SLC25A21: variants seen among roughly 807,000 people sequenced by gnomAD.
SLC25A21 encodes the protein mitochondrial 2-oxodicarboxylate carrier.
In SLC25A21, 47 loss-of-function variants were observed where a neutral mutation model predicts 43.8. The ratio of observed to expected loss-of-function variants is 1.07; its 90% CI spans 0.85 to 1.37. The LOEUF (loss-of-function observed/expected upper bound fraction) is 1.37. SLC25A21 is among the 40% of genes most tolerant of loss of function. The pLI is 0.00. For synonymous variants in SLC25A21, 131 were observed against 121.3 expected (o/e 1.08, Z -0.52); for missense variants, 352 against 350.2 (o/e 1.00, Z -0.04).
At chr14:36,795,896 T>C (rs1295976873) in intron 3 of SLC25A21, among the ~76,000 whole-genome samples, 8 of 152,062 alleles carry the variant, frequency 5.3e-5, no homozygotes, top group Admixed American at 1.3e-4. Context: ...GGCAAGAGGA[T>C]TGCGGGTAGA....
intron 7 of SLC25A21, among the ~76,000 whole-genome samples, chr14:36,708,693 T>A (rs1883686659): frequency 1.3e-5 from 2 of 151,752 alleles, no homozygotes. Flanking sequence ...TGCCTCAGCC[T>A]GCAGAGTAGT....
intron 3 of SLC25A21, among the ~76,000 whole-genome samples, chr14:36,789,863 A>AATATATTTTATATATTTATAT (rs1566615964): frequency 1.2e-5 from 1 of 83,166 alleles, no homozygotes; most frequent in Non-Finnish European, 2.1e-5. Context: ...ATATTTATAT[A>AATATATTTTATATATTTATAT]AAAATATATT....
At chr14:36,913,242 G>A (rs993925365) in intron 1 of SLC25A21, among the ~76,000 whole-genome samples, 2 of 152,026 alleles carry the variant, frequency 1.3e-5, no homozygotes, top group Non-Finnish European at 2.9e-5. Flanking sequence ...ATCTACCTGG[G>A]GAGGAAAAAA....
intron 1 of SLC25A21, among the ~76,000 whole-genome samples, chr14:36,922,800 A>C: frequency 6.6e-6 from 1 of 152,134 alleles, no homozygotes; most frequent in East Asian, 1.9e-4. Flanking sequence ...CATCCTTAAA[A>C]ACTTAAGAAC....
rs1228169810 is a variant in SLC25A21 at position 36,852,939 on chromosome 14, T to C, written c.119+22017A>G. On this transcript the variant is annotated intron_variant, in intron 2 of 9. Transcript: ENST00000331299. ...GTGAAATGGAATCAAATTGCTTCCA[T>C]GCACCGAAACAGGAACATTTAAAAT... Among the ~76,000 whole-genome samples the C allele has an allele frequency of 2.0e-5, 3 of 152,314 alleles. No homozygotes were observed. The South Asian group carries it at 6.2e-4, about 32-fold the overall frequency.
intron 1 of SLC25A21, among the ~76,000 whole-genome samples, chr14:37,042,750 T>C (rs533495780): frequency 3.3e-5 from 5 of 152,198 alleles, no homozygotes; most frequent in Non-Finnish European, 7.3e-5. Context: ...AACCAGGGCA[T>C]GTGTGAATTT....
intron 2 of SLC25A21, among the ~76,000 whole-genome samples, chr14:36,818,591 C>T (rs915397538): frequency 6.6e-6 from 1 of 152,228 alleles, no homozygotes; most frequent in African/African-American, 2.4e-5. Flanking sequence ...TACTGTGTAT[C>T]TCACATACAT....
rs183931248 is a variant in SLC25A21 at position 36,773,449 on chromosome 14, C to T, written c.204-38876G>A. Among the ~76,000 whole-genome samples the T allele has an allele frequency of 1.7e-4, 26 of 152,266 alleles. No individual in the cohort carries two copies. The East Asian group carries it at 5.0e-3, about 29-fold the overall frequency. ...TGTCTCATCCTCAGATTTCTTTGGT[C>T]TCAGAGAGAATATGTTCAAAAGTTT... On this transcript the variant is annotated intron_variant, in intron 3 of 9. Transcript: ENST00000331299.
chr14:36,754,058 C>T (rs556651774), intron 3 of SLC25A21, among the ~76,000 whole-genome samples: 2 of 152,080 alleles, frequency 1.3e-5, no homozygotes, highest in African/African-American at 2.4e-5. Flanking sequence ...TTCTATTCAC[C>T]AGGCTAATTT....
intron 1 of SLC25A21, among the ~76,000 whole-genome samples, chr14:36,977,121 ATTAAT>A (rs1303869919): frequency 6.6e-6 from 1 of 152,210 alleles, no homozygotes; most frequent in Non-Finnish European, 1.5e-5. Context: ...CTTTCAAGGC[ATTAAT>A]TTTTTTTCTA....
chr14:36,884,988 T>C (rs1890872622), intron 1 of SLC25A21, among the ~76,000 whole-genome samples: 1 of 152,186 alleles, frequency 6.6e-6, no homozygotes, highest in African/African-American at 2.4e-5. Context: ...GCAATTCCAT[T>C]TGTCTATTTT....
In SLC25A21 at chr14:37,005,251, G is replaced by C. The variant is rs906714796; in HGVS notation, c.71-130247C>G. ...CGATAAAAAGAATGCTGGAGACAAC[G>C]AAAGTCAGAGAAACAAGCCCTTAGG... On this transcript the variant is annotated intron_variant, in intron 1 of 9. Transcript: ENST00000331299. Among the ~76,000 whole-genome samples, 3 of 151,072 alleles carry C rather than the reference G, an allele frequency of 2.0e-5. No individual in the cohort carries two copies. The Admixed American group carries it at 2.0e-4, about 10-fold the overall frequency.
chr14:36,915,968 G>C (rs1891819901), intron 1 of SLC25A21, among the ~76,000 whole-genome samples: 1 of 152,156 alleles, frequency 6.6e-6, no homozygotes, highest in Admixed American at 6.5e-5. Context: ...GGACATGGCT[G>C]CTGCATACCT....
In SLC25A21 at chr14:36,796,419, CT is replaced by C. The variant is rs1028163180; in HGVS notation, c.203+17498del. On this transcript the variant is annotated intron_variant, in intron 3 of 9. Transcript: ENST00000331299. ...TCTCTTTCTTTCTTTCTCTCTCTTTCTTTTTTTTTAAAAAGTACCAAATCTA... is the reference window on the plus strand; with the variant it reads ...TCTCTTTCTTTCTTTCTCTCTCTTTCTTTTTTTTAAAAAGTACCAAATCTA... Among the ~76,000 whole-genome samples the C allele has an allele frequency of 1.8e-3, 270 of 149,788 alleles. 1 individual carries two copies. The highest frequency in any genetic ancestry group is 6.9e-3 in the Middle Eastern group (2 of 290).
intron 1 of SLC25A21, among the ~76,000 whole-genome samples, chr14:36,953,545 TG>T (rs1448613709): frequency 6.6e-6 from 1 of 152,220 alleles, no homozygotes; most frequent in African/African-American, 2.4e-5. Context: ...ATTCAGTAGA[TG>T]ACAAAATGAA....
intron 1 of SLC25A21, among the ~76,000 whole-genome samples, chr14:37,137,656 C>T (rs1347638676): frequency 6.6e-6 from 1 of 152,072 alleles, no homozygotes; most frequent in Non-Finnish European, 1.5e-5. Flanking sequence ...ATGAGTAAAG[C>T]GAAAAAGAAT....
At chr14:37,145,255 C>T (rs778207172) in intron 1 of SLC25A21, among the ~76,000 whole-genome samples, 10 of 151,544 alleles carry the variant, frequency 6.6e-5, no homozygotes, top group Non-Finnish European at 1.5e-4. Flanking sequence ...CTACCTCCTT[C>T]TCTTACCTCT....
chr14:36,984,695 T>C (rs577985746), intron 1 of SLC25A21, among the ~76,000 whole-genome samples: 32 of 152,200 alleles, frequency 2.1e-4, no homozygotes, highest in Admixed American at 5.9e-4. Context: ...AATGTTTTAT[T>C]TTGAAATAAA....
chr14:37,140,237 C>A (rs1963548261), intron 1 of SLC25A21, among the ~76,000 whole-genome samples: 1 of 152,142 alleles, frequency 6.6e-6, no homozygotes, highest in South Asian at 2.1e-4. Flanking sequence ...TATATTCTGC[C>A]TTGGTAGATA....
Sources: allele counts gnomAD v4.1 joint callset (sites outside exome capture counted in the v4.1 genomes callset), GRCh38; gene constraint gnomAD v4.1.1; transcripts MANE v1.5; gene names NCBI Gene and HGNC (gene_info 2026-07-23, HGNC 2026-07-21).